SEMA3G: variants seen among roughly 807,000 people sequenced by gnomAD.
SEMA3G encodes the protein semaphorin-3G.
In SEMA3G, 70 loss-of-function variants were observed where a neutral mutation model predicts 86.2. That is an observed-to-expected ratio of 0.81 (90% CI 0.67 to 0.99). SEMA3G has a LOEUF of 0.99. Ranked by LOEUF, SEMA3G falls within the 50% of genes least tolerant of loss-of-function variation. The pLI, the probability that SEMA3G is intolerant of heterozygous loss-of-function variation, is 0.00. For missense variants in SEMA3G, 1,002 were observed against 1,072.4 expected, an observed-to-expected ratio of 0.93 and a Z score of 0.92; for synonymous variants, 416 against 441.4, an observed-to-expected ratio of 0.94 and a Z score of 0.72.
At chr3:52,443,598 G>T (rs1278059981) in intron 1 of SEMA3G, among the ~76,000 whole-genome samples, 1 of 152,082 alleles carries the variant, frequency 6.6e-6, no homozygotes, top group Non-Finnish European at 1.5e-5. Context: ...GAGGGTGCTG[G>T]CCACCTTTGG....
In SEMA3G at chr3:52,441,471, C is replaced by T. The variant is rs958754699; in HGVS notation, c.668-62G>A. On this transcript the variant is annotated intron_variant, in intron 6 of 15. Transcript: ENST00000231721. ...CCCACAGGGGAGGATGGGAGTAGAACCCAGTGGGGAGAGGAATGGGGCAGG... is the reference window on the plus strand; with the variant it reads ...CCCACAGGGGAGGATGGGAGTAGAATCCAGTGGGGAGAGGAATGGGGCAGG... 5.8e-5 allele frequency: 93 copies of T among 1,597,178 alleles called. No individual in the cohort carries two copies. The African/African-American group carries it at 1.0e-3, about 17-fold the overall frequency.
Position 52,435,634 on chromosome 3 carries a change from T to C in SEMA3G, c.2318A>G (p.Asn773Ser). The change falls in exon 16 of 16, where the codon AAT becomes AGT. Residue 773 changes from asparagine to serine, a missense_variant. Coordinates refer to ENST00000231721, the MANE Select transcript of SEMA3G (RefSeq NM_020163.3). The part of the protein sequence containing the change: ...KMKSRVHAEH[N>S]RTPREVEAT ...GGCCTCCACCTCCCGGGGCGTCCGA[T>C]TGTGCTCGGCATGCACCCGGCTCTT... The C allele has an allele frequency of 6.2e-7, 1 of 1,613,596 alleles. No homozygotes were observed. Among genetic ancestry groups the C allele is most frequent in the Non-Finnish European group, 8.5e-7 (1 of 1,179,782 alleles).
At chr3:52,443,883 G>T (rs997863230) in intron 1 of SEMA3G, among the ~76,000 whole-genome samples, 8 of 152,184 alleles carry the variant, frequency 5.3e-5, no homozygotes, top group African/African-American at 1.9e-4. Context: ...CACCCCTCTG[G>T]TTTCCTCAGG....
rs568874489 is a variant in SEMA3G at position 52,437,504 on chromosome 3, G to C, written c.1878+23C>G. The C allele has an allele frequency of 1.4e-4, 227 of 1,601,942 alleles. 2 individuals are homozygous for C. The South Asian group carries it at 2.2e-3, about 16-fold the overall frequency. ...GTGACCTCAGGACACACAGAGGCTA[G>C]AGGCAGGGGTCTCCTCACTCACCTG... On this transcript the variant is annotated intron_variant, in intron 15 of 15. Coordinates refer to ENST00000231721, the MANE Select transcript of SEMA3G (RefSeq NM_020163.3).
chr3:52,439,888 C>T lies in SEMA3G; in HGVS notation c.1354G>A (p.Asp452Asn), dbSNP rs752179434. ...CTACCAGTCCCCAGGAAAATGACAT[C>T]GTAGGTCCCATCCTCTGCCTCCACG... ...DRVEAEDGTY[D>N]VIFLGTDSGS... is the part of the protein sequence containing the mutation. Residue 452 changes from aspartate (D) to asparagine (N), a missense_variant, in exon 11 of 16, where the codon GAT becomes AAT. By Grantham distance (23) the Asp-to-Asn change is conservative (BLOSUM62 1). Transcript: ENST00000231721. The T allele has an allele frequency of 4.3e-6, 7 of 1,613,220 alleles. No homozygotes were observed. The highest frequency in any genetic ancestry group is 5.9e-6 in the Non-Finnish European group (7 of 1,179,684).
chr3:52,435,804 G>A lies in SEMA3G; in HGVS notation c.2148C>T (p.Phe716=), dbSNP rs752569651. Residue 716 remains phenylalanine, a synonymous_variant, in exon 16 of 16, where the codon TTC becomes TTT. Coordinates refer to ENST00000231721, the MANE Select transcript of SEMA3G (RefSeq NM_020163.3). ...ACTCATCCACCCGGGGCAGGTTGGC[G>A]AAGCCAATGAGCTGCAGGATGTCCT... The part of the protein sequence containing the change: ...WYKDILQLIG[F]ANLPRVDEYC... 1.4e-5 allele frequency: 23 copies of A among 1,613,950 alleles called. No homozygotes were observed. Among genetic ancestry groups the A allele is most frequent in the East Asian group, 2.2e-5 (1 of 44,876 alleles).
In SEMA3G at chr3:52,444,959, G is replaced by A; in HGVS notation, c.69C>T (p.Gly23=). 1 of 1,303,404 alleles carries A rather than the reference G, an allele frequency of 7.7e-7. No individual in the cohort carries two copies. The highest frequency in any genetic ancestry group is 9.8e-7 in the Non-Finnish European group (1 of 1,021,262). The allele number at this position is 1,303,404 out of a possible 1,614,324, so 80.7% of individuals were successfully genotyped here. A position where few individuals can be genotyped will look rare whatever the true frequency, so the allele number is the denominator to read the frequency against. The change falls in exon 1 of 16, where the codon GGC becomes GGT. Residue 23 remains glycine, a synonymous_variant. Coordinates refer to ENST00000231721, the MANE Select transcript of SEMA3G (RefSeq NM_020163.3). ...GGGGCACACTGGGGCCGGGGCTGGG[G>A]CCAGAGCTACCCCCATGGAGCAGGA... ...GGLLLHGGSS[G]PSPGPSVPRL...
In SEMA3G at chr3:52,434,123, T is replaced by C. The variant is rs897169760; in HGVS notation, c.*1480A>G. 1 of 151,918 alleles carries C rather than the reference T, an allele frequency of 6.6e-6. No homozygotes were observed. The highest frequency in any genetic ancestry group is 2.4e-5 in the African/African-American group (1 of 41,340). 9.4% of individuals were successfully genotyped at this position (151,918 alleles called of 1,614,324 possible). A position where few individuals can be genotyped will look rare whatever the true frequency, so the allele number is the denominator to read the frequency against. ...TTATCTTTTTTTCCCCTCCTTTCTT[T>C]GTCTTGGTTGTTTTAATGGAGGGAA... On this transcript the variant is annotated 3_prime_UTR_variant, in exon 16 of 16. Transcript: ENST00000231721. This position sits in a 1 kb window ranked among gnomAD's most constrained non-coding sequence, Gnocchi z 5.2.
Position 52,435,993 on chromosome 3 carries a change from G to T in SEMA3G, c.1959C>A (p.Tyr653Ter). ...RRLSRFDAGT[Y>*]TCTTLEHGFS... Reference sequence around the variant, plus strand: ...AGCCATGCTCCAGAGTGGTGCAGGTGTAGGTGCCCGCATCGAAACGGCTAA... The same window carrying T: ...AGCCATGCTCCAGAGTGGTGCAGGTTTAGGTGCCCGCATCGAAACGGCTAA... The change falls in exon 16 of 16, where the codon TAC (tyrosine) becomes TAA (stop). Residue 653 changes from tyrosine to a stop codon, truncating the protein, a stop_gained. Transcript: ENST00000231721. LOFTEE classifies it low-confidence loss of function (END_TRUNC). 6.2e-7 allele frequency: 1 copy of T among 1,613,890 alleles called. No individual in the cohort carries two copies. The highest frequency in any genetic ancestry group is 8.5e-7 in the Non-Finnish European group (1 of 1,180,040).
chr3:52,437,909 G>C, intron 14 of SEMA3G, 62 bp downstream of exon 14: 2 of 1,453,944 alleles, frequency 1.4e-6, no homozygotes, highest in Non-Finnish European at 1.9e-6. Flanking sequence ...TCGCAGGGGT[G>C]GAGCCGGGCC....
At chr3:52,441,439 G>C (rs1211662991) in intron 6 of SEMA3G, 30 bp from the exon 7 acceptor site, 1 of 1,610,558 alleles carries the variant, frequency 6.2e-7, no homozygotes, top group East Asian at 2.2e-5. Flanking sequence ...ATGCTGGGTG[G>C]AGGGGCCCCA....
intron 1 of SEMA3G, among the ~76,000 whole-genome samples, chr3:52,443,700 A>T (rs1370922417): frequency 6.6e-6 from 1 of 152,182 alleles, no homozygotes; most frequent in Admixed American, 6.5e-5. Context: ...CTCTTCCGGG[A>T]AGCCCTCCAT....
In SEMA3G at chr3:52,435,931, A is replaced by G. The variant is rs750529472; in HGVS notation, c.2021T>C (p.Ile674Thr). 3.2e-5 allele frequency: 52 copies of G among 1,613,870 alleles called. No individual in the cohort carries two copies. Among genetic ancestry groups the G allele is most frequent in the Non-Finnish European group, 4.1e-5 (48 of 1,180,028 alleles). Reference protein sequence around the residue: ...QTVVRLALVVIVASQLDNLFP... With the variant: ...QTVVRLALVVTVASQLDNLFP... ...CAGGTTGTCCAGCTGTGAGGCCACA[A>G]TCACCACCAGAGCCAGGCGGACCAC... Residue 674 changes from isoleucine (I) to threonine (T), a missense_variant, in exon 16 of 16, where the codon ATT becomes ACT. Coordinates refer to ENST00000231721, the MANE Select transcript of SEMA3G (RefSeq NM_020163.3).
At chr3:52,441,080 G>A in intron 7 of SEMA3G, 32 bp from the exon 8 acceptor site, 1 of 1,545,704 alleles carries the variant, frequency 6.5e-7, no homozygotes, top group East Asian at 2.2e-5. Context: ...TCACGCTTGG[G>A]CCCCACGAGG....
At chr3:52,441,747 G>T in intron 5 of SEMA3G, 57 bp from the exon 6 acceptor site, 1 of 1,588,538 alleles carries the variant, frequency 6.3e-7, no homozygotes, top group South Asian at 1.1e-5. Flanking sequence ...CAGCAGCCGG[G>T]TCCCTCCCTT....
At chr3:52,438,832 CGAGGAGGCTGCGGAGCAGGGGCAGAG>C (rs1269879732) in intron 13 of SEMA3G, 62 bp downstream of exon 13, 90 of 1,575,434 alleles carry the variant, frequency 5.7e-5, no homozygotes, top group Admixed American at 2.5e-4. Flanking sequence ...CAGTGGAGCT[CGAGGAGGCTGCGGAGCAGGGGCAGAG>C]GAGGAGGCTG....
rs903687491 is a variant in SEMA3G at position 52,434,574 on chromosome 3, A to G, written c.*1029T>C. On this transcript the variant is annotated 3_prime_UTR_variant, in exon 16 of 16. Transcript: ENST00000231721. The surrounding 1 kb of genome is among the most constrained non-coding windows in gnomAD (Gnocchi z 5.2). Reference sequence around the variant, plus strand: ...CCTAAGGGTCTCCTGCCCTCTATCCATCTCCATATCCTCTCAATCTTCTGC... The same window carrying G: ...CCTAAGGGTCTCCTGCCCTCTATCCGTCTCCATATCCTCTCAATCTTCTGC... 6.6e-6 allele frequency: 1 copy of G among 151,782 alleles called. No individual in the cohort carries two copies. Among genetic ancestry groups the G allele is most frequent in the African/African-American group, 2.4e-5 (1 of 41,284 alleles). 9.4% of individuals were successfully genotyped at this position (151,782 alleles called of 1,614,324 possible). A position where few individuals can be genotyped will look rare whatever the true frequency, so the allele number is the denominator to read the frequency against.
intron 15 of SEMA3G, among the ~76,000 whole-genome samples, chr3:52,436,698 C>T (rs949812320): frequency 7.9e-5 from 12 of 152,234 alleles, no homozygotes; most frequent in South Asian, 2.1e-4. Flanking sequence ...GATCCCAGCC[C>T]GCCTCTGGCC....
chr3:52,440,281 CGTGGGGGTGCATGGGGACATGAGGCCA>C, intron 10 of SEMA3G, 69 bp downstream of exon 10: 1 of 1,374,180 alleles, frequency 7.3e-7, no homozygotes, highest in Non-Finnish European at 9.7e-7. Context: ...CGTCCGCTGC[CGTGGGGGTGCATGGGGACATGAGGCCA>C]CTCCAAGGAG....
Sources: allele counts gnomAD v4.1 joint callset (sites outside exome capture counted in the v4.1 genomes callset), GRCh38; gene constraint gnomAD v4.1.1; non-coding constraint Gnocchi (gnomAD v3.1); transcripts MANE v1.5; gene names NCBI Gene and HGNC (gene_info 2026-07-23, HGNC 2026-07-21).